The following ERBB4 variants were observed in gnomAD, a reference collection of about 807,000 sequenced individuals.
ERBB4 encodes erb-b2 receptor tyrosine kinase 4.
ERBB4 carries 42 observed loss-of-function variants against 158.0 expected under a neutral mutation model. The observed-to-expected ratio is 0.27, with a 90% CI of 0.21 to 0.34. ERBB4 has a LOEUF of 0.34. ERBB4 is among the 10% of genes least tolerant of loss of function. ERBB4 has a pLI of 1.00. For missense variants in ERBB4, 1,333 were observed against 1,624.1 expected (o/e 0.82, Z 3.08); for synonymous variants, 583 against 558.7 (o/e 1.04, Z -0.61).
chr2:211,530,520 T>C (rs2066466200), intron 20 of ERBB4, among the ~76,000 whole-genome samples: 2 of 151,998 alleles, frequency 1.3e-5, no homozygotes. Flanking sequence ...TATGGAACCA[T>C]AAAAGACCCA....
intron 3 of ERBB4, among the ~76,000 whole-genome samples, chr2:211,889,546 G>A (rs1300444823): frequency 6.6e-6 from 1 of 151,558 alleles, no homozygotes; most frequent in Admixed American, 6.6e-5. Context: ...AAGGAACAAA[G>A]CTGGATGGAG....
At chr2:211,873,807 C>T (rs1219557295) in intron 3 of ERBB4, among the ~76,000 whole-genome samples, 1 of 150,206 alleles carries the variant, frequency 6.7e-6, no homozygotes, top group Non-Finnish European at 1.5e-5. Context: ...GTTAAGTCTT[C>T]TGTGGCATAG....
intron 4 of ERBB4, among the ~76,000 whole-genome samples, chr2:211,769,097 C>T (rs1487738276): frequency 2.6e-5 from 4 of 152,086 alleles, no homozygotes; most frequent in Non-Finnish European, 5.9e-5. Flanking sequence ...TGCCAGATAC[C>T]CTAAATCATA....
At chr2:212,129,757 A>C (rs1480716883) in intron 1 of ERBB4, among the ~76,000 whole-genome samples, 1 of 152,098 alleles carries the variant, frequency 6.6e-6, no homozygotes, top group African/African-American at 2.4e-5. Flanking sequence ...TCCAAAAAAC[A>C]AAATTAGATT....
chr2:212,351,986 A>T (rs543485737), intron 1 of ERBB4, among the ~76,000 whole-genome samples: 1 of 152,330 alleles, frequency 6.6e-6, no homozygotes, highest in Non-Finnish European at 1.5e-5. Flanking sequence ...CTATGCAACC[A>T]TAAAAAAGAA....
At chr2:211,878,584 G>T (rs1455281801) in intron 3 of ERBB4, among the ~76,000 whole-genome samples, 1 of 149,210 alleles carries the variant, frequency 6.7e-6, no homozygotes, top group South Asian at 2.1e-4. Flanking sequence ...AAGAAATAAT[G>T]AATATTTTAA....
rs2073006332 is a variant in ERBB4 at position 211,695,987 on chromosome 2, C to T, written c.1489+5980G>A. On this transcript the variant is annotated intron_variant, in intron 12 of 27. Coordinates refer to ENST00000342788, the MANE Select transcript of ERBB4 (RefSeq NM_005235.3). Reference sequence around the variant, plus strand: ...TTCTTTTTATCCTTCCTTCCTTCCTCCCTCCTTCCCTTCCCTTCCTTCCTT... The same window carrying T: ...TTCTTTTTATCCTTCCTTCCTTCCTTCCTCCTTCCCTTCCCTTCCTTCCTT... Among the ~76,000 whole-genome samples, 3 of 149,450 alleles carry T rather than the reference C, an allele frequency of 2.0e-5. No individual in the cohort carries two copies. The South Asian group carries it at 6.5e-4, about 32-fold the overall frequency.
intron 3 of ERBB4, among the ~76,000 whole-genome samples, chr2:211,937,101 A>G (rs2080345545): frequency 6.6e-6 from 1 of 152,144 alleles, no homozygotes; most frequent in Middle Eastern, 3.2e-3. Context: ...TTTGGATCTA[A>G]TATCTTTAAA....
chr2:211,789,501 T>C (rs972631535), intron 3 of ERBB4, among the ~76,000 whole-genome samples: 5 of 152,124 alleles, frequency 3.3e-5, no homozygotes, highest in African/African-American at 1.2e-4. Flanking sequence ...AGTGAAGCTG[T>C]GACTTTTTAT....
chr2:211,393,391 T>C (rs1358131525), intron 25 of ERBB4, among the ~76,000 whole-genome samples: 4 of 152,204 alleles, frequency 2.6e-5, no homozygotes, highest in Non-Finnish European at 5.9e-5. Context: ...ATCTGCCATG[T>C]GCACACATCC....
At chr2:211,787,767 G>T (rs1197481128) in intron 4 of ERBB4, among the ~76,000 whole-genome samples, 1 of 152,110 alleles carries the variant, frequency 6.6e-6, no homozygotes, top group East Asian at 1.9e-4. Context: ...TACATTGGAA[G>T]TATGATAAAG....
chr2:211,551,433 T>A (rs1206755522), intron 20 of ERBB4, among the ~76,000 whole-genome samples: 1 of 152,350 alleles, frequency 6.6e-6, no homozygotes, highest in Admixed American at 6.5e-5. Flanking sequence ...CCACTAATAC[T>A]GTGACTTGTA....
chr2:212,119,997 C>T (rs1245187072), intron 2 of ERBB4, among the ~76,000 whole-genome samples: 1 of 152,086 alleles, frequency 6.6e-6, no homozygotes, highest in African/African-American at 2.4e-5. Context: ...AGGAAACAAT[C>T]TTTTTCTAGT....
chr2:211,456,562 A>AAT (rs1161228621), intron 20 of ERBB4, among the ~76,000 whole-genome samples: 2 of 152,166 alleles, frequency 1.3e-5, no homozygotes. Flanking sequence ...GGATGTATTA[A>AAT]ATATATATAC....
At chr2:211,645,856 A>G (rs1455810615) in intron 16 of ERBB4, among the ~76,000 whole-genome samples, 1 of 151,768 alleles carries the variant, frequency 6.6e-6, no homozygotes, top group Non-Finnish European at 1.5e-5. Flanking sequence ...ACATATATGA[A>G]TAAGAAACTT....
intron 3 of ERBB4, among the ~76,000 whole-genome samples, chr2:211,850,340 A>G (rs539442769): frequency 6.6e-6 from 1 of 151,796 alleles, no homozygotes; most frequent in Admixed American, 6.6e-5. Context: ...ATTCATATAC[A>G]TATTCATATA....
intron 20 of ERBB4, among the ~76,000 whole-genome samples, chr2:211,520,600 C>T (rs527833777): frequency 1.3e-5 from 2 of 152,178 alleles, no homozygotes; most frequent in East Asian, 1.9e-4. Flanking sequence ...TGGCTTGTTA[C>T]ATAAAAAGTT....
intron 3 of ERBB4, among the ~76,000 whole-genome samples, chr2:211,928,174 T>C (rs1202445205): frequency 1.3e-5 from 2 of 152,164 alleles, no homozygotes; most frequent in African/African-American, 4.8e-5. Flanking sequence ...GATGATTTGT[T>C]AACTTTCACT....
At chr2:211,679,921 C>T (rs1054820392) in intron 12 of ERBB4, among the ~76,000 whole-genome samples, 1 of 152,140 alleles carries the variant, frequency 6.6e-6, no homozygotes, top group Admixed American at 6.5e-5. Flanking sequence ...CTCAAGTGAT[C>T]CACTCACCTC....
Sources: gnomAD v4.1 joint callset for allele counts (sites outside exome capture counted in the v4.1 genomes callset) on GRCh38, gnomAD v4.1.1 for gene constraint, MANE v1.5 for transcripts, NCBI Gene and HGNC (gene_info 2026-07-23, HGNC 2026-07-21) for gene names.